SMYD3: variants seen among roughly 807,000 people sequenced by gnomAD.
SMYD3 encodes the protein histone-lysine N-methyltransferase SMYD3.
Under a neutral mutation model 57.7 loss-of-function variants are expected in SMYD3, and 36 were observed. That is an observed-to-expected ratio of 0.62 (90% CI 0.48 to 0.82). The LOEUF is 0.82. SMYD3 is among the 40% of genes least tolerant of loss of function. SMYD3 has a pLI of 0.00. For synonymous variants in SMYD3, 211 were observed against 195.0 expected, an observed-to-expected ratio of 1.08 and a Z score of -0.68; for missense variants, 515 against 538.8, an observed-to-expected ratio of 0.96 and a Z score of 0.44.
At chr1:246,383,132 C>G (rs901260036) in intron 1 of SMYD3, among the ~76,000 whole-genome samples, 3 of 152,236 alleles carry the variant, frequency 2.0e-5, no homozygotes, top group African/African-American at 7.2e-5. Context: ...GGCTAGCCTG[C>G]CCAAGAACTT....
chr1:245,807,813 G>GGAA (rs1553328805), intron 10 of SMYD3, among the ~76,000 whole-genome samples: 168 of 111,680 alleles, frequency 1.5e-3, no homozygotes, highest in African/African-American at 5.2e-3. Context: ...ATTTCCCAGG[G>GGAA]AAAAAAAAAA....
chr1:245,808,729 T>C (rs1472172839), intron 10 of SMYD3, among the ~76,000 whole-genome samples: 3 of 152,168 alleles, frequency 2.0e-5, no homozygotes, highest in Non-Finnish European at 2.9e-5. Flanking sequence ...ACAGTGCTTT[T>C]TTTTGGAAAT....
rs77508441 is a variant in SMYD3, at chr1:245,823,256, CCTT to C, written c.1076+35237_1076+35239del. Among the ~76,000 whole-genome samples, 87 of 152,336 alleles carry C rather than the reference CCTT, an allele frequency of 5.7e-4. No individual in the cohort carries two copies. The East Asian group carries it at 0.014, about 24-fold the overall frequency. On this transcript the variant is annotated intron_variant, in intron 10 of 11. Coordinates refer to ENST00000490107, the MANE Select transcript of SMYD3 (RefSeq NM_001167740.2). Reference sequence around the variant, plus strand: ...CAGGACGATTGCAAAATCCATTTCTCCTTCTCTGTCCCTGCTTCTCTGCCCTTC... The same window carrying C: ...CAGGACGATTGCAAAATCCATTTCTCCTCTGTCCCTGCTTCTCTGCCCTTC...
chr1:246,273,739 C>T (rs528644869), intron 5 of SMYD3, among the ~76,000 whole-genome samples: 154 of 151,934 alleles, frequency 1.0e-3, no homozygotes, highest in African/African-American at 3.3e-3. Flanking sequence ...TGCCCACTAT[C>T]ACACCCTGCT....
chr1:246,037,473 A>G (rs555054352), intron 5 of SMYD3, among the ~76,000 whole-genome samples: 1 of 152,330 alleles, frequency 6.6e-6, no homozygotes, highest in Admixed American at 6.5e-5. Flanking sequence ...GCAGGAGGTT[A>G]GCAGGTGGAA....
intron 1 of SMYD3, among the ~76,000 whole-genome samples, chr1:246,374,353 C>T (rs1475417107): frequency 2.6e-5 from 4 of 152,142 alleles, no homozygotes; most frequent in Admixed American, 6.5e-5. Context: ...CAGTTGTGGA[C>T]AGAAGAGGAA....
intron 10 of SMYD3, among the ~76,000 whole-genome samples, chr1:245,838,652 G>T (rs1056772872): frequency 1.3e-5 from 2 of 152,184 alleles, no homozygotes; most frequent in Non-Finnish European, 2.9e-5. Flanking sequence ...TTTCAAAGGG[G>T]CTCCTGCAAG....
At chr1:246,274,351 T>C (rs759693101) in intron 5 of SMYD3, among the ~76,000 whole-genome samples, 2 of 152,182 alleles carry the variant, frequency 1.3e-5, no homozygotes, top group Non-Finnish European at 2.9e-5. Context: ...GCTTCACATC[T>C]GGGCTTCTCA....
At chr1:245,989,483 G>T (rs1236708908) in intron 5 of SMYD3, among the ~76,000 whole-genome samples, 2 of 152,242 alleles carry the variant, frequency 1.3e-5, no homozygotes, top group African/African-American at 4.8e-5. Context: ...CACAAATCCA[G>T]CTTGCTGCAC....
chr1:246,169,901 CAA>C (rs35486805), intron 5 of SMYD3, among the ~76,000 whole-genome samples: 18 of 107,270 alleles, frequency 1.7e-4, no homozygotes, highest in African/African-American at 1.7e-4. Context: ...AAGACTCTGC[CAA>C]AAAAAAAAAA....
At chr1:245,916,625 AC>A (rs2055442442) in intron 7 of SMYD3, among the ~76,000 whole-genome samples, 1 of 152,066 alleles carries the variant, frequency 6.6e-6, no homozygotes, top group Non-Finnish European at 1.5e-5. Context: ...CACCTTAAAA[AC>A]TACCCAGAAT....
At chr1:245,825,991 C>T (rs1361208571) in intron 10 of SMYD3, among the ~76,000 whole-genome samples, 1 of 141,846 alleles carries the variant, frequency 7.0e-6, no homozygotes, top group Non-Finnish European at 1.5e-5. Flanking sequence ...ATCTCTGCTC[C>T]TACATCTAGT....
intron 5 of SMYD3, among the ~76,000 whole-genome samples, chr1:246,027,382 G>A (rs1048096942): frequency 2.2e-4 from 34 of 152,126 alleles, no homozygotes; most frequent in African/African-American, 7.7e-4. Context: ...CTAGAGGAGA[G>A]GTCAATGCTT....
rs143195669 is a variant in SMYD3, at chr1:246,334,994, A to T, written c.336+373T>A. ...TTGTCTTATTTTAAGAAATTGCCAC[A>T]GCCACCCCAAAGTTCAGCAACCACC... On this transcript the variant is annotated intron_variant, in intron 3 of 11. Transcript: ENST00000490107. Among the ~76,000 whole-genome samples, 1,053 of 152,328 alleles carry T rather than the reference A, an allele frequency of 6.9e-3. 13 individuals are homozygous for T. The highest frequency in any genetic ancestry group is 0.024 in the African/African-American group (991 of 41,568).
At chr1:245,806,766 C>G (rs562996265) in intron 10 of SMYD3, among the ~76,000 whole-genome samples, 2 of 150,940 alleles carry the variant, frequency 1.3e-5, no homozygotes, top group Non-Finnish European at 3.0e-5. Flanking sequence ...AAAAATTAGC[C>G]GGGCGCGGTG....
chr1:246,214,569 C>T (rs186301038), intron 5 of SMYD3, among the ~76,000 whole-genome samples: 1 of 152,028 alleles, frequency 6.6e-6, no homozygotes, highest in East Asian at 1.9e-4. Context: ...AATAGCATGC[C>T]AAAGTAAGTA....
chr1:246,005,612 A>G (rs1489093039), intron 5 of SMYD3, among the ~76,000 whole-genome samples: 1 of 152,250 alleles, frequency 6.6e-6, no homozygotes, highest in South Asian at 2.1e-4. Flanking sequence ...AAACAGGTCC[A>G]GTTTTCTGCA....
chr1:245,758,596 G>A (rs1295029590), intron 11 of SMYD3, among the ~76,000 whole-genome samples: 1 of 151,882 alleles, frequency 6.6e-6, no homozygotes, highest in Non-Finnish European at 1.5e-5. Flanking sequence ...CCTCCATTCT[G>A]TTGTGGAGCT....
At chr1:246,423,296 C>A (rs1461908545) in intron 1 of SMYD3, among the ~76,000 whole-genome samples, 292 of 119,920 alleles carry the variant, frequency 2.4e-3, no homozygotes, top group Non-Finnish European at 2.5e-3. Flanking sequence ...GACTCCAACT[C>A]AAAAAAAAAA....
Sources: allele counts gnomAD v4.1 joint callset (sites outside exome capture counted in the v4.1 genomes callset), GRCh38; gene constraint gnomAD v4.1.1; transcripts MANE v1.5; gene names NCBI Gene and HGNC (gene_info 2026-07-23, HGNC 2026-07-21).